ELAPOR2: variants seen among roughly 807,000 people sequenced by gnomAD.
The protein encoded by ELAPOR2 is endosome/lysosome-associated apoptosis and autophagy regulator family member 2.
A neutral mutation model predicts 120.7 loss-of-function variants in ELAPOR2; 89 were observed. The ratio of observed to expected loss-of-function variants is 0.74; its 90% CI spans 0.62 to 0.88. The LOEUF is 0.88. ELAPOR2 is among the 40% of genes least tolerant of loss of function. The pLI is 0.00. For synonymous variants in ELAPOR2, 444 were observed against 444.9 expected (o/e 1.00, Z 0.03); for missense variants, 1,134 against 1,251.6 (o/e 0.91, Z 1.42).
chr7:86,974,276 C>T (rs576392860), intron 1 of ELAPOR2, among the ~76,000 whole-genome samples: 2 of 152,100 alleles, frequency 1.3e-5, no homozygotes, highest in African/African-American at 4.8e-5. Context: ...TAATAAGCAC[C>T]AAGAGAAACT....
At chr7:87,049,061 C>A (rs1277856813) in intron 1 of ELAPOR2, among the ~76,000 whole-genome samples, 1 of 152,138 alleles carries the variant, frequency 6.6e-6, no homozygotes, top group African/African-American at 2.4e-5. Flanking sequence ...ATTCAACAAG[C>A]ATTTATTGAA....
At chr7:86,997,491 T>C (rs1767736) in intron 1 of ELAPOR2, among the ~76,000 whole-genome samples, 57,533 of 152,020 alleles carry the variant, frequency 0.38, 11,738 homozygotes, top group African/African-American at 0.53. Context: ...ACATTAGTAA[T>C]ATTAGATAAG....
chr7:86,901,342 G>A (rs1788716225), intron 18 of ELAPOR2, among the ~76,000 whole-genome samples: 3 of 152,168 alleles, frequency 2.0e-5, no homozygotes, highest in African/African-American at 7.2e-5. Context: ...GTTAGGTCTT[G>A]AATTCTAAAA....
At chr7:86,939,626 A>C (rs946144178) in intron 6 of ELAPOR2, among the ~76,000 whole-genome samples, 4 of 152,036 alleles carry the variant, frequency 2.6e-5, no homozygotes, top group Middle Eastern at 3.2e-3. Flanking sequence ...CAAGATGTTT[A>C]TTGTTATTTT....
At chr7:87,035,372 C>T (rs1214646075) in intron 1 of ELAPOR2, among the ~76,000 whole-genome samples, 1 of 152,296 alleles carries the variant, frequency 6.6e-6, no homozygotes, top group South Asian at 2.1e-4. Flanking sequence ...CTAAGATGAA[C>T]TAAATTCTGC....
chr7:86,950,555 T>G (rs1244181531), intron 2 of ELAPOR2, among the ~76,000 whole-genome samples: 1 of 152,194 alleles, frequency 6.6e-6, no homozygotes, highest in Non-Finnish European at 1.5e-5. Context: ...TGTGGCATGC[T>G]TGGTTCAGCT....
intron 16 of ELAPOR2, among the ~76,000 whole-genome samples, 193 bp from the exon 17 acceptor site, chr7:86,908,736 C>A (rs1384945358): frequency 6.6e-6 from 1 of 152,026 alleles, no homozygotes; most frequent in Non-Finnish European, 1.5e-5. Context: ...AGAAAAGATT[C>A]TACTCCCTAG....
chr7:87,009,006 C>T (rs965710851), intron 1 of ELAPOR2, among the ~76,000 whole-genome samples: 1 of 151,892 alleles, frequency 6.6e-6, no homozygotes, highest in Non-Finnish European at 1.5e-5. Context: ...GGATTTATGA[C>T]AATTTGAAGG....
intron 1 of ELAPOR2, among the ~76,000 whole-genome samples, chr7:87,013,237 G>A (rs1793753731): frequency 3.3e-5 from 5 of 152,132 alleles, no homozygotes; most frequent in African/African-American, 9.6e-5. Flanking sequence ...TTGCTCAATC[G>A]TTCCCAGTGA....
intron 6 of ELAPOR2, 53 bp downstream of exon 6, chr7:86,939,956 TA>T (rs1790733871): frequency 2.7e-6 from 3 of 1,126,144 alleles, no homozygotes; most frequent in Non-Finnish European, 3.9e-6. Context: ...ATAAATATTT[TA>T]ACTAACTGTA....
chr7:86,894,815 T>G (rs542792138), intron 19 of ELAPOR2, among the ~76,000 whole-genome samples: 2 of 152,198 alleles, frequency 1.3e-5, no homozygotes, highest in South Asian at 4.1e-4. Flanking sequence ...GACAGTCCCC[T>G]TAGTGATAAC....
intron 10 of ELAPOR2, among the ~76,000 whole-genome samples, chr7:86,925,316 T>A (rs1408844422): frequency 6.6e-6 from 1 of 151,890 alleles, no homozygotes; most frequent in Non-Finnish European, 1.5e-5. Context: ...CTAAAAAAAA[T>A]GCAAAATTAA....
At chr7:86,982,588 AG>A (rs1448551842) in intron 1 of ELAPOR2, among the ~76,000 whole-genome samples, 1 of 152,220 alleles carries the variant, frequency 6.6e-6, no homozygotes, top group Non-Finnish European at 1.5e-5. Context: ...CCTGCAGCTG[AG>A]GGACCTGACT....
chr7:86,885,507 C>G (rs1799646180), intron 21 of ELAPOR2, among the ~76,000 whole-genome samples: 1 of 152,150 alleles, frequency 6.6e-6, no homozygotes, highest in Admixed American at 6.6e-5. Context: ...ATGCCTCCCT[C>G]CCAAACTACC....
chr7:87,022,520 G>A (rs1794085118), intron 1 of ELAPOR2, among the ~76,000 whole-genome samples: 2 of 152,020 alleles, frequency 1.3e-5, no homozygotes, highest in African/African-American at 4.8e-5. Flanking sequence ...TTGCTATTGT[G>A]AGTAGTGCCC....
chr7:86,946,029 A>C (rs146765536), intron 3 of ELAPOR2, among the ~76,000 whole-genome samples: 16 of 152,288 alleles, frequency 1.1e-4, no homozygotes, highest in Non-Finnish European at 2.2e-4. Context: ...TGACCAAAAA[A>C]AAGTAGAGAA....
Position 86,914,766 on chromosome 7 carries a change from A to G in ELAPOR2, c.1688T>C (p.Phe563Ser). The G allele has an allele frequency of 6.2e-7, 1 of 1,612,248 alleles. No homozygotes were observed. The highest frequency in any genetic ancestry group is 8.5e-7 in the Non-Finnish European group (1 of 1,179,122). Residue 563 changes from phenylalanine to serine, a missense_variant, in exon 13 of 22, where the codon TTT becomes TCT. By Grantham distance (155) the Phe-to-Ser change is radical. This residue lies in a region of ELAPOR2 where 831 missense variants were observed against 867.6 expected (regional missense o/e 0.96). Coordinates refer to ENST00000450689, the MANE Select transcript of ELAPOR2 (RefSeq NM_001142749.3). ...TCTCTGGAATGCCCATGTAAATGTAAAAGTTGCATTCTTGAAGATGATATG... is the reference window on the plus strand; with the variant it reads ...TCTCTGGAATGCCCATGTAAATGTAGAAGTTGCATTCTTGAAGATGATATG... ...YTHIIFKNAT[F>S]TFTWAFQRTN...
chr7:87,021,789 G>GA (rs1188830506), intron 1 of ELAPOR2, among the ~76,000 whole-genome samples: 1 of 152,062 alleles, frequency 6.6e-6, no homozygotes, highest in Non-Finnish European at 1.5e-5. Flanking sequence ...TTACAAACCT[G>GA]AAGAACATTT....
At chr7:87,050,346 C>T (rs975973187) in intron 1 of ELAPOR2, among the ~76,000 whole-genome samples, 3 of 152,090 alleles carry the variant, frequency 2.0e-5, no homozygotes, top group Non-Finnish European at 4.4e-5. Context: ...TGGCTTGGTG[C>T]TATCTTTGCA....
Sources: gnomAD v4.1 joint callset for allele counts (sites outside exome capture counted in the v4.1 genomes callset) on GRCh38, gnomAD v4.1.1 for gene constraint, gnomAD v4.1.1 regional missense constraint, MANE v1.5 for transcripts, NCBI Gene and HGNC (gene_info 2026-07-23, HGNC 2026-07-21) for gene names.